Variants in GTF2F2 observed in about 807,000 individuals in gnomAD.
GTF2F2 encodes the protein ATP-dependent helicase GTF2F2.
A neutral mutation model predicts 42.2 loss-of-function variants in GTF2F2; 23 were observed. The ratio of observed to expected loss-of-function variants is 0.55; its 90% CI spans 0.39 to 0.77. GTF2F2 has a LOEUF of 0.77. Among genes scored for constraint, GTF2F2 ranks in the 30% least tolerant of loss-of-function variants. GTF2F2 has a pLI of 0.00. For missense variants in GTF2F2, 261 were observed against 287.2 expected (o/e 0.91, Z 0.66); for synonymous variants, 105 against 100.8 (o/e 1.04, Z -0.25).
intron 4 of GTF2F2, chr13:45,194,117 G>A (rs1427334046): frequency 2.5e-6 from 4 of 1,613,928 alleles, no homozygotes; most frequent in Admixed American, 3.3e-5. Context: ...CCTTGTGAAC[G>A]ATCGTGGTTA....
intron 4 of GTF2F2, among the ~76,000 whole-genome samples, chr13:45,191,224 A>AAAAAAAAATATATATATATATATAT: frequency 1.2e-4 from 9 of 75,300 alleles, no homozygotes; most frequent in African/African-American, 4.0e-4. Context: ...ACAAAAAAAA[A>AAAAAAAAATATATATATATATATAT]ATATATATAT....
chr13:45,253,804 G>A (rs529897430), intron 6 of GTF2F2, among the ~76,000 whole-genome samples: 7 of 152,268 alleles, frequency 4.6e-5, no homozygotes, highest in South Asian at 2.1e-4. Context: ...GGCTGGGCGC[G>A]GTGGCTCACG....
At chr13:45,141,469 G>T (rs1735154166) in intron 2 of GTF2F2, among the ~76,000 whole-genome samples, 1 of 152,140 alleles carries the variant, frequency 6.6e-6, no homozygotes, top group Non-Finnish European at 1.5e-5. Context: ...TATTAATAGT[G>T]CCCCCTTTTC....
intron 5 of GTF2F2, among the ~76,000 whole-genome samples, chr13:45,246,019 A>AT (rs1416265680): frequency 0.012 from 133 of 10,660 alleles, no homozygotes; most frequent in African/African-American, 0.05. Flanking sequence ...TATTTATTTT[A>AT]TTTATTTTGA....
chr13:45,127,938 C>CTTTTTTTTTTCTTTT (rs1869116277), intron 1 of GTF2F2, among the ~76,000 whole-genome samples: 1 of 48,608 alleles, frequency 2.1e-5, no homozygotes, highest in African/African-American at 8.3e-5. Flanking sequence ...GCACCCCGGC[C>CTTTTTTTTTTCTTTT]TTTTTTTTTT....
chr13:45,266,575 A>G (rs555369905), intron 6 of GTF2F2, among the ~76,000 whole-genome samples: 9 of 152,372 alleles, frequency 5.9e-5, no homozygotes, highest in African/African-American at 2.2e-4. Context: ...CTGTTAATCA[A>G]AAACAAAAGC....
At chr13:45,222,151 TACTG>T (rs1161186641) in intron 5 of GTF2F2, among the ~76,000 whole-genome samples, 5 of 152,214 alleles carry the variant, frequency 3.3e-5, no homozygotes, top group South Asian at 2.1e-4. Context: ...AATTATGACA[TACTG>T]ACTATATCTC....
chr13:45,243,620 TG>T (rs1190068428), intron 5 of GTF2F2, among the ~76,000 whole-genome samples: 1 of 152,220 alleles, frequency 6.6e-6, no homozygotes, highest in African/African-American at 2.4e-5. Context: ...GTGGTTTTAC[TG>T]TTTTTTTTTA....
chr13:45,247,177 C>T (rs1480021419), intron 5 of GTF2F2, among the ~76,000 whole-genome samples: 3 of 151,988 alleles, frequency 2.0e-5, no homozygotes, highest in Admixed American at 6.6e-5. Context: ...TTGCAAAACC[C>T]TGTCTCTACT....
At chr13:45,179,385 A>C (rs999519730) in intron 4 of GTF2F2, among the ~76,000 whole-genome samples, 2 of 152,198 alleles carry the variant, frequency 1.3e-5, no homozygotes, top group Non-Finnish European at 2.9e-5. Flanking sequence ...AATCTTTTTG[A>C]GAGTAAAAAG....
intron 4 of GTF2F2, chr13:45,194,598 C>T: frequency 6.3e-7 from 1 of 1,578,238 alleles, no homozygotes; most frequent in Non-Finnish European, 8.6e-7. Flanking sequence ...GCTTGTTCTT[C>T]TTGGCTTTGA....
At chr13:45,246,495 C>T (rs1443970492) in intron 5 of GTF2F2, among the ~76,000 whole-genome samples, 1 of 152,108 alleles carries the variant, frequency 6.6e-6, no homozygotes, top group Non-Finnish European at 1.5e-5. Flanking sequence ...TTTACCATCA[C>T]CCTGTTCCAA....
intron 4 of GTF2F2, among the ~76,000 whole-genome samples, chr13:45,160,942 T>G (rs919746851): frequency 3.9e-5 from 6 of 152,216 alleles, no homozygotes; most frequent in African/African-American, 1.2e-4. Context: ...AACTATGCTT[T>G]TCTTTGAGGC....
chr13:45,279,556 G>T (rs923937546), intron 7 of GTF2F2, among the ~76,000 whole-genome samples: 1 of 152,160 alleles, frequency 6.6e-6, no homozygotes, highest in Non-Finnish European at 1.5e-5. Flanking sequence ...TCTTAAGCAC[G>T]CCTTATTCAC....
At position 45,122,934 on chromosome 13, in the gene GTF2F2, C is replaced by T. The variant is rs141944067; in HGVS notation, c.66+2213C>T. 6.4e-3 allele frequency among the ~76,000 whole-genome samples: 969 copies of T among 151,778 alleles called. 10 individuals carry two copies. The highest frequency in any genetic ancestry group is 0.022 in the African/African-American group (930 of 41,360). On this transcript the variant is annotated intron_variant, in intron 1 of 7. Coordinates refer to ENST00000340473, the MANE Select transcript of GTF2F2 (RefSeq NM_004128.3). ...ATACAAGATCTCTGAGAGTTTTGAG[C>T]GGGAAAAAAATTAGTGCTTCACCAG... is the stretch of plus-strand genomic sequence containing the variant.
At chr13:45,159,630 G>A (rs960243556) in intron 4 of GTF2F2, among the ~76,000 whole-genome samples, 2 of 152,154 alleles carry the variant, frequency 1.3e-5, no homozygotes, top group Admixed American at 6.5e-5. Context: ...GCGCCACCAC[G>A]CCGGGCTAAT....
intron 4 of GTF2F2, among the ~76,000 whole-genome samples, chr13:45,166,317 C>G (rs1871295897): frequency 6.6e-6 from 1 of 152,128 alleles, no homozygotes; most frequent in African/African-American, 2.4e-5. Context: ...CCAACTCTAT[C>G]AGAAGTCACC....
intron 4 of GTF2F2, among the ~76,000 whole-genome samples, chr13:45,165,272 T>A (rs2138136740): frequency 6.7e-6 from 1 of 148,160 alleles, no homozygotes; most frequent in African/African-American, 2.4e-5. Flanking sequence ...TATATTTATA[T>A]ATAATATATA....
chr13:45,251,284 G>A (rs543764303), intron 5 of GTF2F2, among the ~76,000 whole-genome samples: 31 of 152,122 alleles, frequency 2.0e-4, no homozygotes, highest in Admixed American at 4.6e-4. Flanking sequence ...ACTTAATTCT[G>A]CTTTTGAAGG....
Sources: gnomAD v4.1 joint callset for allele counts (sites outside exome capture counted in the v4.1 genomes callset) on GRCh38, gnomAD v4.1.1 for gene constraint, MANE v1.5 for transcripts, NCBI Gene and HGNC (gene_info 2026-07-23, HGNC 2026-07-21) for gene names.